The following ARHGEF38 variants were observed in gnomAD, a reference collection of about 807,000 sequenced individuals.
ARHGEF38 encodes Rho guanine nucleotide exchange factor (GEF) 38.
A neutral mutation model predicts 79.9 loss-of-function variants in ARHGEF38; 79 were observed. That is an observed-to-expected ratio of 0.99 (90% confidence interval 0.82 to 1.19). The LOEUF (loss-of-function observed/expected upper bound fraction) is 1.19, where lower values mean the gene tolerates loss of function less well. Among genes scored for constraint, ARHGEF38 ranks in the 50% most tolerant of loss-of-function variants. ARHGEF38 has a pLI of 0.00. For synonymous variants in ARHGEF38, 366 were observed against 328.3 expected (o/e 1.11, Z -1.24); for missense variants, 962 against 907.2 (o/e 1.06, Z -0.78).
chr4:105,650,852 T>A (rs6839747), intron 7 of ARHGEF38, among the ~76,000 whole-genome samples: 6,025 of 152,264 alleles, frequency 0.04, 361 homozygotes, highest in African/African-American at 0.13. Flanking sequence ...GGAACTATAA[T>A]GTAAGAAGTT....
chr4:105,608,045 A>T (rs1284098547), intron 2 of ARHGEF38, among the ~76,000 whole-genome samples: 3 of 152,124 alleles, frequency 2.0e-5, no homozygotes, highest in African/African-American at 7.2e-5. Flanking sequence ...GGGAAGTCCC[A>T]GATCAAGATG....
In ARHGEF38 at chr4:105,655,666, G is replaced by A. The variant is rs960214528; in HGVS notation, c.1177G>A (p.Asp393Asn). Residue 393 changes from aspartate (D) to asparagine (N), a missense_variant, in exon 9 of 14, where the codon GAT becomes AAT. Physicochemically the swap from Asp to Asn is conservative, Grantham distance 23. Coordinates refer to ENST00000420470, the MANE Select transcript of ARHGEF38 (RefSeq NM_001242729.2). ...TCAGGAGATTTCATACAACAAAGAC[G>A]ATGAGATGGACTATTCTGAGACCCT... ...DLQEISYNKD[D>N]EMDYSETLSN... is the part of the protein sequence containing the mutation. 5.0e-5 allele frequency: 77 copies of A among 1,535,650 alleles called. No individual in the cohort carries two copies. The highest frequency in any genetic ancestry group is 3.2e-4 in the African/African-American group (23 of 72,996).
intron 6 of ARHGEF38, 148 bp from the exon 7 acceptor site, chr4:105,648,401 G>A: frequency 1.7e-6 from 1 of 588,828 alleles, no homozygotes; most frequent in Non-Finnish European, 2.6e-6. Context: ...GGACAGTGGG[G>A]CTGGAGCATA....
At chr4:105,568,138 T>C (rs1578261686) in intron 1 of ARHGEF38, among the ~76,000 whole-genome samples, 2 of 151,960 alleles carry the variant, frequency 1.3e-5, no homozygotes, top group Admixed American at 1.3e-4. Context: ...CTGCATAGTA[T>C]TCCATGGTGT....
chr4:105,576,285 A>G (rs1726494566), intron 1 of ARHGEF38, among the ~76,000 whole-genome samples: 1 of 152,000 alleles, frequency 6.6e-6, no homozygotes, highest in Non-Finnish European at 1.5e-5. Context: ...ATTAGCATGG[A>G]ATGTGTTTCT....
chr4:105,679,375 T>C lies in ARHGEF38; in HGVS notation c.*1438T>C. On this transcript the variant is annotated 3_prime_UTR_variant, in exon 14 of 14. Transcript: ENST00000420470. ...ATATTTCCTTTCAGGAGGCACACTC[T>C]GGTAATCTGAGACACTGCATTACTA... 1.6e-6 allele frequency: 2 copies of C among 1,272,512 alleles called. No homozygotes were observed. The highest frequency in any genetic ancestry group is 4.6e-5 in the East Asian group (2 of 43,244). The allele number at this position is 1,272,512 out of a possible 1,614,324, so 78.8% of individuals were successfully genotyped here.
rs1291780130 is a variant in ARHGEF38, at chr4:105,680,036, TTCG to T, written c.*2102_*2104del. On this transcript the variant is annotated 3_prime_UTR_variant, in exon 14 of 14. Transcript: ENST00000420470. Reference sequence around the variant, plus strand: ...CATGGCCATGTCAGTTACATTCTTCTTCGTCTCACAGAAAATAATAGCCCTCCC... The same window carrying T: ...CATGGCCATGTCAGTTACATTCTTCTTCTCACAGAAAATAATAGCCCTCCC... The T allele has an allele frequency of 2.2e-6, 2 of 894,274 alleles. No individual in the cohort carries two copies. The highest frequency in any genetic ancestry group is 1.6e-5 in the African/African-American group (1 of 61,056). The allele number at this position is 894,274 out of a possible 1,614,324, so 55.4% of individuals were successfully genotyped here. A position where few individuals can be genotyped will look rare whatever the true frequency, so the allele number is the denominator to read the frequency against.
intron 10 of ARHGEF38, among the ~76,000 whole-genome samples, chr4:105,659,734 A>G (rs905529183): frequency 2.0e-5 from 3 of 152,118 alleles, no homozygotes; most frequent in South Asian, 2.1e-4. Context: ...AACTGTGACT[A>G]TTTAAGATGT....
chr4:105,592,866 T>C (rs1193622926), intron 2 of ARHGEF38, among the ~76,000 whole-genome samples: 1 of 152,176 alleles, frequency 6.6e-6, no homozygotes, highest in Non-Finnish European at 1.5e-5. Context: ...CTTCCTCCTA[T>C]TACCGGAAGC....
At chr4:105,605,899 A>C (rs535904007) in intron 2 of ARHGEF38, among the ~76,000 whole-genome samples, 2 of 152,262 alleles carry the variant, frequency 1.3e-5, no homozygotes, top group South Asian at 4.1e-4. Context: ...ATCCTCTCAG[A>C]ATGTCCCCAG....
chr4:105,644,422 A>G (rs549204010), intron 5 of ARHGEF38, among the ~76,000 whole-genome samples: 31 of 152,330 alleles, frequency 2.0e-4, no homozygotes, highest in Non-Finnish European at 4.3e-4. Flanking sequence ...AGAGTGGGCT[A>G]GACAATGGCA....
chr4:105,646,439 A>C (rs1275243456), intron 6 of ARHGEF38, among the ~76,000 whole-genome samples: 1 of 152,220 alleles, frequency 6.6e-6, no homozygotes, highest in Non-Finnish European at 1.5e-5. Flanking sequence ...TAATCATTGA[A>C]ATCACACTAA....
chr4:105,679,367 G>A lies in ARHGEF38; in HGVS notation c.*1430G>A. The A allele has an allele frequency of 8.4e-7, 1 of 1,189,270 alleles. No homozygotes were observed. Among genetic ancestry groups the A allele is most frequent in the Non-Finnish European group, 1.3e-6 (1 of 799,160 alleles). The allele number at this position is 1,189,270 out of a possible 1,614,324, so 73.7% of individuals were successfully genotyped here. On this transcript the variant is annotated 3_prime_UTR_variant, in exon 14 of 14. Coordinates refer to ENST00000420470, the MANE Select transcript of ARHGEF38 (RefSeq NM_001242729.2). The stretch of plus-strand genomic sequence containing the variant: ...AAACACCCATATTTCCTTTCAGGAG[G>A]CACACTCTGGTAATCTGAGACACTG...
rs1425248331 is a variant in ARHGEF38 at position 105,558,907 on chromosome 4, G to C, written c.196+5946G>C. Among the ~76,000 whole-genome samples, 5 of 151,508 alleles carry C rather than the reference G, an allele frequency of 3.3e-5. 1 individual carries two copies. The South Asian group carries it at 1.0e-3, about 32-fold the overall frequency. Reference sequence around the variant, plus strand: ...AAAGAAAGGAAGGAGAGAGAGAAGGGGAGGGGAGAGACAGACAGAAACCAA... The same window carrying C: ...AAAGAAAGGAAGGAGAGAGAGAAGGCGAGGGGAGAGACAGACAGAAACCAA... On this transcript the variant is annotated intron_variant, in intron 1 of 13. Coordinates refer to ENST00000420470, the MANE Select transcript of ARHGEF38 (RefSeq NM_001242729.2).
intron 3 of ARHGEF38, among the ~76,000 whole-genome samples, chr4:105,615,428 AC>A (rs1560723167): frequency 6.6e-6 from 1 of 152,192 alleles, no homozygotes; most frequent in Non-Finnish European, 1.5e-5. Context: ...TAAGGGAGAT[AC>A]AGTGAAAATT....
chr4:105,612,315 C>T (rs62320287), intron 2 of ARHGEF38, among the ~76,000 whole-genome samples: 5,928 of 152,166 alleles, frequency 0.039, 178 homozygotes, highest in Non-Finnish European at 0.062. Flanking sequence ...CCTAATTTCT[C>T]GGCACATTTT....
chr4:105,572,599 C>T (rs986821321), intron 1 of ARHGEF38, among the ~76,000 whole-genome samples: 2 of 152,214 alleles, frequency 1.3e-5, no homozygotes, highest in African/African-American at 4.8e-5. Context: ...TCTATGATTT[C>T]GACTATTCTA....
rs114755882 is a variant in ARHGEF38 at position 105,659,044 on chromosome 4, C to T, written c.1234-10C>T. 1.3e-6 allele frequency: 2 copies of T among 1,519,356 alleles called. No homozygotes were observed. Among genetic ancestry groups the T allele is most frequent in the African/African-American group, 1.4e-5 (1 of 72,070 alleles). The allele number at this position is 1,519,356 out of a possible 1,614,324, so 94.1% of individuals were successfully genotyped here. ...TCTCTCTGAAATGGGCTCATTTTTT[C>T]TTTTGGCAGGCATCTCACTTACAGA... On this transcript the variant is annotated splice_polypyrimidine_tract_variant and intron_variant, in intron 9 of 13. Transcript: ENST00000420470.
chr4:105,634,043 A>G (rs755712872), intron 4 of ARHGEF38, among the ~76,000 whole-genome samples: 2 of 152,294 alleles, frequency 1.3e-5, no homozygotes, highest in Admixed American at 6.5e-5. Context: ...TTCTGTGTGG[A>G]GTTCCCTTGC....
Sources: gnomAD v4.1 joint callset for allele counts (sites outside exome capture counted in the v4.1 genomes callset) on GRCh38, gnomAD v4.1.1 for gene constraint, MANE v1.5 for transcripts, NCBI Gene and HGNC (gene_info 2026-07-23, HGNC 2026-07-21) for gene names.